DACH1: variants seen among roughly 807,000 people sequenced by gnomAD.
DACH1 encodes dachshund family transcription factor 1, also known as dachshund homolog 1.
DACH1 carries 12 observed loss-of-function variants against 54.2 expected under a neutral mutation model. The observed-to-expected ratio is 0.22, with a 90% CI of 0.14 to 0.36. The LOEUF (loss-of-function observed/expected upper bound fraction) is 0.36, where lower values mean the gene tolerates loss of function less well. DACH1 is among the 10% of genes least tolerant of loss of function. DACH1 has a pLI of 1.00. For synonymous variants in DACH1, 386 were observed against 366.2 expected (o/e 1.05, Z -0.62); for missense variants, 805 against 929.8 (o/e 0.87, Z 1.75).
At chr13:71,483,232 G>A (rs971635005) in intron 7 of DACH1, among the ~76,000 whole-genome samples, 14 of 151,232 alleles carry the variant, frequency 9.3e-5, no homozygotes, top group African/African-American at 3.2e-4. Context: ...ATATAATTAC[G>A]ATTGAAAATA....
intron 2 of DACH1, among the ~76,000 whole-genome samples, chr13:71,655,597 C>T (rs975060484): frequency 6.6e-5 from 10 of 152,022 alleles, no homozygotes; most frequent in African/African-American, 2.2e-4. Flanking sequence ...TCTCGAACTC[C>T]CGACCTCAGG....
intron 2 of DACH1, among the ~76,000 whole-genome samples, chr13:71,644,157 G>C (rs1205428053): frequency 6.6e-6 from 1 of 152,092 alleles, no homozygotes; most frequent in Non-Finnish European, 1.5e-5. Context: ...GTCAACTGTA[G>C]TTTTGATATT....
At chr13:71,809,379 C>T (rs944008425) in intron 1 of DACH1, among the ~76,000 whole-genome samples, 3 of 152,024 alleles carry the variant, frequency 2.0e-5, no homozygotes, top group African/African-American at 7.2e-5. Flanking sequence ...TCATGTTGCC[C>T]AGGCTTGTCT....
intron 6 of DACH1, among the ~76,000 whole-genome samples, chr13:71,532,018 C>G (rs1299010683): frequency 6.6e-6 from 1 of 151,880 alleles, no homozygotes; most frequent in East Asian, 1.9e-4. Context: ...TCAATAACTT[C>G]TTACTATTAC....
At chr13:71,700,102 C>A (rs1882040160) in intron 1 of DACH1, among the ~76,000 whole-genome samples, 1 of 149,962 alleles carries the variant, frequency 6.7e-6, no homozygotes, top group South Asian at 2.1e-4. Context: ...TGCATGTGCA[C>A]ACACACACAC....
intron 1 of DACH1, among the ~76,000 whole-genome samples, chr13:71,852,691 A>C (rs17252752): frequency 0.085 from 12,916 of 152,224 alleles, 1,423 homozygotes; most frequent in East Asian, 0.56. Context: ...GCTATTGGCT[A>C]AAGTTCAATT....
At chr13:71,849,370 C>T (rs950455221) in intron 1 of DACH1, among the ~76,000 whole-genome samples, 2 of 152,120 alleles carry the variant, frequency 1.3e-5, no homozygotes, top group Admixed American at 6.5e-5. Context: ...TGAACCCCTG[C>T]ACAGTTTGCT....
intron 1 of DACH1, among the ~76,000 whole-genome samples, chr13:71,682,244 A>T (rs147048776): frequency 6.6e-6 from 1 of 152,330 alleles, no homozygotes; most frequent in African/African-American, 2.4e-5. Context: ...CTAACTTGTA[A>T]TAATTATTAC....
chr13:71,628,020 G>A (rs990459426), intron 3 of DACH1, among the ~76,000 whole-genome samples: 2 of 152,034 alleles, frequency 1.3e-5, no homozygotes, highest in Non-Finnish European at 2.9e-5. Flanking sequence ...AATAAATAAT[G>A]TGACAAGTAT....
intron 1 of DACH1, among the ~76,000 whole-genome samples, chr13:71,758,008 AG>A (rs1295296859): frequency 1.3e-5 from 2 of 152,218 alleles, no homozygotes; most frequent in Non-Finnish European, 2.9e-5. Flanking sequence ...TATGATTAAA[AG>A]AAAAATGATG....
At chr13:71,655,704 A>T (rs950683003) in intron 2 of DACH1, among the ~76,000 whole-genome samples, 1 of 152,156 alleles carries the variant, frequency 6.6e-6, no homozygotes, top group African/African-American at 2.4e-5. Flanking sequence ...CAAAATAAAA[A>T]TTAAAATTAA....
intron 4 of DACH1, among the ~76,000 whole-genome samples, chr13:71,566,263 C>A (rs189098543): frequency 2.6e-5 from 4 of 152,202 alleles, no homozygotes; most frequent in Non-Finnish European, 5.9e-5. Context: ...TGCATAGTTA[C>A]CTCTGGAGGC....
At position 71,721,830 on chromosome 13, in the gene DACH1, G is replaced by A. The variant is rs1883242702; in HGVS notation, c.849-39920C>T. On this transcript the variant is annotated intron_variant, in intron 1 of 10. Coordinates refer to ENST00000613252, the MANE Select transcript of DACH1 (RefSeq NM_080759.6). ...TTAAAAAATAAGATTTTAGATGAAA[G>A]TTCTTAACAATATGTTAAAGCATTT... 1.3e-5 allele frequency among the ~76,000 whole-genome samples: 2 copies of A among 152,162 alleles called. 1 individual carries two copies. The highest frequency in any genetic ancestry group is 4.1e-4 in the South Asian group (2 of 4,828).
At chr13:71,857,200 AAAATT>A (rs1874056101) in intron 1 of DACH1, among the ~76,000 whole-genome samples, 1 of 151,782 alleles carries the variant, frequency 6.6e-6, no homozygotes, top group African/African-American at 2.4e-5. Flanking sequence ...AAGGTTTAGA[AAAATT>A]AAGCTGTTTT....
At chr13:71,781,853 TTC>T (rs1157617072) in intron 1 of DACH1, among the ~76,000 whole-genome samples, 28 of 152,310 alleles carry the variant, frequency 1.8e-4, no homozygotes, top group African/African-American at 6.0e-4. Flanking sequence ...ATTTCCTTAT[TTC>T]TGTTTTCTGA....
intron 3 of DACH1, among the ~76,000 whole-genome samples, chr13:71,600,957 T>C (rs1874450369): frequency 1.3e-5 from 2 of 151,662 alleles, no homozygotes; most frequent in Non-Finnish European, 2.9e-5. Context: ...TTTTTTAATC[T>C]CTCCAGAAGA....
intron 1 of DACH1, among the ~76,000 whole-genome samples, chr13:71,813,963 T>C (rs1887817808): frequency 6.6e-6 from 1 of 152,016 alleles, no homozygotes; most frequent in South Asian, 2.1e-4. Context: ...AGCCAAGGAG[T>C]GTCTCCACAG....
At chr13:71,727,838 A>G (rs1883544018) in intron 1 of DACH1, among the ~76,000 whole-genome samples, 1 of 152,104 alleles carries the variant, frequency 6.6e-6, no homozygotes. Context: ...GTTCTAAGCA[A>G]AGTAGTAAGT....
At chr13:71,502,594 AAG>A (rs1046336675) in intron 6 of DACH1, among the ~76,000 whole-genome samples, 4 of 152,216 alleles carry the variant, frequency 2.6e-5, no homozygotes, top group African/African-American at 7.2e-5. Context: ...ATTATTGTCC[AAG>A]AGGTTCATTT....
Sources: allele counts gnomAD v4.1 joint callset (sites outside exome capture counted in the v4.1 genomes callset), GRCh38; gene constraint gnomAD v4.1.1; transcripts MANE v1.5; gene names NCBI Gene and HGNC (gene_info 2026-07-23, HGNC 2026-07-21).